The following OCSTAMP variants were observed in gnomAD, a reference collection of about 807,000 sequenced individuals.
The protein encoded by OCSTAMP is osteoclast stimulatory transmembrane protein.
OCSTAMP carries 17 observed loss-of-function variants against 25.2 expected under a neutral mutation model. That is an observed-to-expected ratio of 0.68 (90% CI 0.46 to 1.01). The LOEUF is 1.01. OCSTAMP is among the 50% of genes least tolerant of loss of function. The pLI, the probability that OCSTAMP is intolerant of heterozygous loss-of-function variation, is 0.00. For synonymous variants in OCSTAMP, 345 were observed against 318.9 expected (o/e 1.08, Z -0.87); for missense variants, 664 against 694.6 (o/e 0.96, Z 0.50).
chr20:46,545,252 A>T lies in OCSTAMP; in HGVS notation c.1047+75T>A, dbSNP rs147501450. 5.8e-4 allele frequency: 796 copies of T among 1,383,646 alleles called. 4 individuals are homozygous for T. Among genetic ancestry groups the T allele is most frequent in the Middle Eastern group, 4.5e-3 (24 of 5,388 alleles). The allele number at this position is 1,383,646 out of a possible 1,614,324, so 85.7% of individuals were successfully genotyped here. A position where few individuals can be genotyped will look rare whatever the true frequency, so the allele number is the denominator to read the frequency against. Reference sequence around the variant, plus strand: ...TGGAGGCAAGTCAAATTTCATCACAAGTCAAGGGTTTAACAGATTCTCCCC... The same window carrying T: ...TGGAGGCAAGTCAAATTTCATCACATGTCAAGGGTTTAACAGATTCTCCCC... On this transcript the variant is annotated intron_variant, in intron 2 of 2. Transcript: ENST00000279028.
rs1172731396 is a variant in OCSTAMP, at chr20:46,541,073, G to A, written c.*201C>T. 3 of 535,880 alleles carry A rather than the reference G, an allele frequency of 5.6e-6. No homozygotes were observed. The highest frequency in any genetic ancestry group is 1.0e-5 in the Non-Finnish European group (3 of 301,330). 33.2% of individuals were successfully genotyped at this position (535,880 alleles called of 1,614,324 possible). ...GTTTATTTATAAAATTAAAACTATGGGTTACTATAAATGAGTTTAGAGGAT... is the reference window on the plus strand; with the variant it reads ...GTTTATTTATAAAATTAAAACTATGAGTTACTATAAATGAGTTTAGAGGAT... On this transcript the variant is annotated 3_prime_UTR_variant, in exon 3 of 3. Coordinates refer to ENST00000279028, the MANE Select transcript of OCSTAMP (RefSeq NM_080721.3).
chr20:46,547,200 G>C (rs980101255), intron 1 of OCSTAMP, among the ~76,000 whole-genome samples: 9 of 152,194 alleles, frequency 5.9e-5, no homozygotes, highest in African/African-American at 2.2e-4. Flanking sequence ...AGTGGAGGGG[G>C]AGAGAGGAGG....
At chr20:46,542,164 A>T (rs2061836602) in intron 2 of OCSTAMP, among the ~76,000 whole-genome samples, 1 of 152,250 alleles carries the variant, frequency 6.6e-6, no homozygotes, top group Admixed American at 6.5e-5. Flanking sequence ...AGAATATTTT[A>T]GAGAAAACAA....
At chr20:46,546,421 C>T (rs2061853422) in intron 1 of OCSTAMP, 92 bp from the exon 2 acceptor site, 2 of 1,146,072 alleles carry the variant, frequency 1.7e-6, no homozygotes, top group Non-Finnish European at 1.2e-6. Flanking sequence ...CATCACCAGG[C>T]TCTGCTAACA....
At position 46,545,686 on chromosome 20, in the gene OCSTAMP, T is replaced by A. The variant is rs1333335001; in HGVS notation, c.688A>T (p.Thr230Ser). Residue 230 changes from threonine (T) to serine (S), a missense_variant, in exon 2 of 3, where the codon ACA becomes TCA. Transcript: ENST00000279028. Reference protein sequence around the residue: ...AAALGTQRVVTGLFMLGLLVE... With the variant: ...AAALGTQRVVSGLFMLGLLVE... ...AGGAGGCCCAACATAAACAGCCCTGTGACCACTCGCTGGGTCCCTAGCGCT... is the reference window on the plus strand; with the variant it reads ...AGGAGGCCCAACATAAACAGCCCTGAGACCACTCGCTGGGTCCCTAGCGCT... 6.4e-7 allele frequency: 1 copy of A among 1,551,714 alleles called. No individual in the cohort carries two copies.
intron 1 of OCSTAMP, among the ~76,000 whole-genome samples, chr20:46,549,099 A>G (rs1471095551): frequency 6.6e-6 from 1 of 152,166 alleles, no homozygotes; most frequent in Non-Finnish European, 1.5e-5. Flanking sequence ...CGGACCACAC[A>G]CTAGGAGATG....
At position 46,547,994 on chromosome 20, in the gene OCSTAMP, G is replaced by A. The variant is rs114778639; in HGVS notation, c.45-1665C>T. ...GGGCTGGTCTTAGAATAGAGCAGGGGTCGTTCATCCTTAATAGCAGGTGGG... is the reference window on the plus strand; with the variant it reads ...GGGCTGGTCTTAGAATAGAGCAGGGATCGTTCATCCTTAATAGCAGGTGGG... On this transcript the variant is annotated intron_variant, in intron 1 of 2. Transcript: ENST00000279028. Among the ~76,000 whole-genome samples the A allele has an allele frequency of 1.6e-3, 242 of 152,292 alleles. 1 individual carries two copies. Among genetic ancestry groups the A allele is most frequent in the African/African-American group, 5.5e-3 (230 of 41,558 alleles).
At chr20:46,547,360 C>A (rs1205197912) in intron 1 of OCSTAMP, among the ~76,000 whole-genome samples, 1 of 152,150 alleles carries the variant, frequency 6.6e-6, no homozygotes, top group Admixed American at 6.5e-5. Context: ...TGTCTCCCAA[C>A]TTTATATCCC....
intron 1 of OCSTAMP, 96 bp from the exon 2 acceptor site, chr20:46,546,425 G>A (rs890937101): frequency 2.8e-6 from 3 of 1,080,148 alleles, no homozygotes; most frequent in Non-Finnish European, 4.0e-6. Context: ...ACCAGGCTCT[G>A]CTAACAGACT....
At chr20:46,546,427 T>C (rs2061853441) in intron 1 of OCSTAMP, 98 bp from the exon 2 acceptor site, 1 of 1,064,520 alleles carries the variant, frequency 9.4e-7, no homozygotes, top group Non-Finnish European at 1.3e-6. Context: ...CAGGCTCTGC[T>C]AACAGACTCC....
chr20:46,542,910 C>A (rs976704689), intron 2 of OCSTAMP, among the ~76,000 whole-genome samples: 1 of 152,170 alleles, frequency 6.6e-6, no homozygotes, highest in Admixed American at 6.5e-5. Context: ...ATGAGTGGGC[C>A]TGTACAATTT....
chr20:46,548,979 G>T (rs1053826960), intron 1 of OCSTAMP, among the ~76,000 whole-genome samples: 4 of 152,200 alleles, frequency 2.6e-5, no homozygotes, highest in African/African-American at 9.7e-5. Context: ...GTATGAGTCG[G>T]CCTGGGATGA....
rs1465899183 is a variant in OCSTAMP at position 46,546,080 on chromosome 20, C to T, written c.294G>A (p.Leu98=). The T allele has an allele frequency of 1.3e-6, 2 of 1,551,668 alleles. No individual in the cohort carries two copies. Among genetic ancestry groups the T allele is most frequent in the East Asian group, 2.4e-5 (1 of 40,900 alleles). ...CAAACAGGCAGCGGACTGGGGGTAC[C>T]AGGCCCAGGCTCAGGAAGACCAGGA... ...CGLLVFLSLG[L]VPPVRCLFAL... Residue 98 remains leucine, a synonymous_variant, in exon 2 of 3, where the codon CTG becomes CTA. Transcript: ENST00000279028.
rs2061835857 is a variant in OCSTAMP, at chr20:46,541,881, A to G, written c.1094T>C (p.Leu365Pro). 3.1e-5 allele frequency: 45 copies of G among 1,462,900 alleles called. No individual in the cohort carries two copies. Among genetic ancestry groups the G allele is most frequent in the Non-Finnish European group, 3.9e-5 (43 of 1,111,400 alleles). 90.6% of individuals were successfully genotyped at this position (1,462,900 alleles called of 1,614,324 possible). A position where few individuals can be genotyped will look rare whatever the true frequency, so the allele number is the denominator to read the frequency against. The change falls in exon 3 of 3, where the codon CTG becomes CCG. Residue 365 changes from leucine (L) to proline (P), a missense_variant. Leu to Pro is a moderately conservative substitution (Grantham distance 98). Transcript: ENST00000279028. ...GGAGAGGAAGGGGCTCTCCGGAGCC[A>G]GCTGGTTGAAGAGGAAAGGGATGAA... ...LGFIPFLFNQ[L>P]APESPFLSVH...
rs2061848363 is a variant in OCSTAMP at position 46,545,468 on chromosome 20, C to A, written c.906G>T (p.Arg302Ser). The A allele has an allele frequency of 3.9e-6, 6 of 1,551,352 alleles. No individual in the cohort carries two copies. In the South Asian group the frequency reaches 7.1e-5, roughly 18 times the overall value. ...SQEELLSCLL[R>S]LGLLALLLVA... ...CGAGGAGCAGGGCAAGCAGCCCCAG[C>A]CTTAGAAGACAACTCAACAGCTCCT... Residue 302 changes from arginine to serine, a missense_variant, in exon 2 of 3, where the codon AGG becomes AGT. Arg to Ser is a moderately radical substitution (Grantham distance 110). Transcript: ENST00000279028.
chr20:46,547,197 G>A (rs2061855865), intron 1 of OCSTAMP, among the ~76,000 whole-genome samples: 1 of 152,132 alleles, frequency 6.6e-6, no homozygotes, highest in Non-Finnish European at 1.5e-5. Context: ...TTGAGTGGAG[G>A]GGGAGAGAGG....
intron 1 of OCSTAMP, among the ~76,000 whole-genome samples, chr20:46,549,239 A>C (rs932688071): frequency 6.6e-6 from 1 of 152,216 alleles, no homozygotes; most frequent in Non-Finnish European, 1.5e-5. Context: ...AGAAGTTTAC[A>C]CAGGGTCTGG....
chr20:46,544,337 T>C (rs1428394136), intron 2 of OCSTAMP, among the ~76,000 whole-genome samples: 1 of 152,248 alleles, frequency 6.6e-6, no homozygotes, highest in Admixed American at 6.5e-5. Flanking sequence ...TAAGATGTAA[T>C]CTTATAATTT....
intron 2 of OCSTAMP, 49 bp downstream of exon 2, chr20:46,545,278 C>T (rs1555872351): frequency 4.9e-6 from 7 of 1,424,318 alleles, no homozygotes; most frequent in Non-Finnish European, 6.4e-6. Flanking sequence ...GATTCTCCCC[C>T]TGCCCTCAAA....
Sources: allele counts gnomAD v4.1 joint callset (sites outside exome capture counted in the v4.1 genomes callset), GRCh38; gene constraint gnomAD v4.1.1; transcripts MANE v1.5; gene names NCBI Gene and HGNC (gene_info 2026-07-23, HGNC 2026-07-21).